Variants in PLEKHH2 observed in about 807,000 individuals in gnomAD.
The protein encoded by PLEKHH2 is pleckstrin homology domain-containing family H member 2.
A neutral mutation model predicts 187.9 loss-of-function variants in PLEKHH2; 129 were observed. That is an observed-to-expected ratio of 0.69 (90% CI 0.59 to 0.79). The LOEUF is 0.79. Among genes scored for constraint, PLEKHH2 ranks in the 30% least tolerant of loss-of-function variants. PLEKHH2 has a pLI of 0.00. For synonymous variants in PLEKHH2, 686 were observed against 605.6 expected, an observed-to-expected ratio of 1.13 and a Z score of -1.95; for missense variants, 2,076 against 1,751.2, an observed-to-expected ratio of 1.19 and a Z score of -3.31.
chr2:43,693,592 CG>C (rs1252425374), intron 4 of PLEKHH2, among the ~76,000 whole-genome samples: 1 of 151,818 alleles, frequency 6.6e-6, no homozygotes, highest in Non-Finnish European at 1.5e-5. Flanking sequence ...GGCGTGGTGG[CG>C]GGCTCCTGTA....
At chr2:43,744,051 A>G in intron 23 of PLEKHH2, 62 bp downstream of exon 23, 13 of 1,560,838 alleles carry the variant, frequency 8.3e-6, no homozygotes, top group Non-Finnish European at 1.1e-5. Context: ...ACTCTTTACA[A>G]GAAGAGTAAA....
rs1669530039 is a variant in PLEKHH2 at position 43,704,111 on chromosome 2, G to A, written c.1726+55G>A. On this transcript the variant is annotated intron_variant, in intron 9 of 29. Coordinates refer to ENST00000282406, the MANE Select transcript of PLEKHH2 (RefSeq NM_172069.4). ...TGAACCTTGAGGACTTTGTGCTAAG[G>A]GATAGTATAATACAAATACATGGTA... 3 of 1,231,872 alleles carry A rather than the reference G, an allele frequency of 2.4e-6. No homozygotes were observed. In the South Asian group the frequency reaches 3.7e-5, roughly 15 times the overall value. The allele number at this position is 1,231,872 out of a possible 1,614,324, so 76.3% of individuals were successfully genotyped here.
At chr2:43,641,084 C>T (rs896414332) in intron 1 of PLEKHH2, among the ~76,000 whole-genome samples, 3 of 151,802 alleles carry the variant, frequency 2.0e-5, no homozygotes, top group African/African-American at 4.8e-5. Flanking sequence ...TGAGCCACCA[C>T]GTCCAGGCCT....
chr2:43,671,204 C>G (rs1667483344), intron 2 of PLEKHH2, among the ~76,000 whole-genome samples: 1 of 152,060 alleles, frequency 6.6e-6, no homozygotes, highest in African/African-American at 2.4e-5. Flanking sequence ...CCAGGCTGGT[C>G]TAGAACTCCT....
chr2:43,677,024 A>C (rs1292325430), intron 2 of PLEKHH2, among the ~76,000 whole-genome samples: 1 of 152,162 alleles, frequency 6.6e-6, no homozygotes. Flanking sequence ...CAATCCACTG[A>C]AGAAAATTCT....
Position 43,696,004 on chromosome 2 carries a change from G to A in PLEKHH2, c.502+780G>A, listed in dbSNP as rs561265138. ...GCATGCAAATGTCATAACTCAGTTC[G>A]TTCATGGATCACCAGTGTTCTAATC... On this transcript the variant is annotated intron_variant, in intron 6 of 29. Transcript: ENST00000282406. Among the ~76,000 whole-genome samples, 9 of 152,220 alleles carry A rather than the reference G, an allele frequency of 5.9e-5. No individual in the cohort carries two copies. The East Asian group carries it at 9.6e-4, about 16-fold the overall frequency.
At chr2:43,678,583 G>T (rs13001672) in intron 2 of PLEKHH2, among the ~76,000 whole-genome samples, 3 of 150,204 alleles carry the variant, frequency 2.0e-5, no homozygotes, top group East Asian at 3.9e-4. Context: ...GGCGGCGCGC[G>T]CCTGCAATCG....
Position 43,700,576 on chromosome 2 carries a change from C to T in PLEKHH2, c.1618C>T (p.Pro540Ser). ...AAAGAAGGTGGCATACAGCAAACCT[C>T]CAACTCCTCCCCTGCACCGTTTTCC... ...SAKKVAYSKP[P>S]TPPLHRFPSW... The change falls in exon 8 of 30, where the codon CCA (proline) becomes TCA (serine). Residue 540 changes from proline (P) to serine (S), a missense_variant. By Grantham distance (74) the Pro-to-Ser change is moderately conservative. Coordinates refer to ENST00000282406, the MANE Select transcript of PLEKHH2 (RefSeq NM_172069.4). 1.2e-6 allele frequency: 2 copies of T among 1,611,920 alleles called. No individual in the cohort carries two copies. Among genetic ancestry groups the T allele is most frequent in the Non-Finnish European group, 8.5e-7 (1 of 1,179,774 alleles).
chr2:43,682,710 A>G (rs1403325677), intron 3 of PLEKHH2, among the ~76,000 whole-genome samples: 1 of 152,166 alleles, frequency 6.6e-6, no homozygotes, highest in Admixed American at 6.5e-5. Context: ...AACCTTATTC[A>G]TTAAGCATTT....
At chr2:43,670,615 A>C (rs1667450490) in intron 2 of PLEKHH2, among the ~76,000 whole-genome samples, 1 of 130,588 alleles carries the variant, frequency 7.7e-6, no homozygotes. Context: ...GGTATTGTGA[A>C]TATTCTAATT....
At chr2:43,728,383 G>T (rs1469454407) in intron 17 of PLEKHH2, among the ~76,000 whole-genome samples, 1 of 149,590 alleles carries the variant, frequency 6.7e-6, no homozygotes, top group Non-Finnish European at 1.5e-5. Context: ...GGAGGCTGAG[G>T]CAGGAGAATC....
chr2:43,653,292 G>C (rs891424861), intron 2 of PLEKHH2, among the ~76,000 whole-genome samples: 1 of 152,126 alleles, frequency 6.6e-6, no homozygotes, highest in African/African-American at 2.4e-5. Context: ...CAAGCTTTCA[G>C]AGGAAAAAAC....
At chr2:43,725,085 C>A (rs897988242) in intron 16 of PLEKHH2, among the ~76,000 whole-genome samples, 1 of 152,084 alleles carries the variant, frequency 6.6e-6, no homozygotes, top group African/African-American at 2.4e-5. Flanking sequence ...AATGGGCTAG[C>A]GAGGAGGGAG....
At chr2:43,742,221 T>C (rs1419957353) in intron 21 of PLEKHH2, among the ~76,000 whole-genome samples, 1 of 152,090 alleles carries the variant, frequency 6.6e-6, no homozygotes, top group Non-Finnish European at 1.5e-5. Flanking sequence ...AGGTTGGTCT[T>C]GAACTCTCGA....
intron 2 of PLEKHH2, among the ~76,000 whole-genome samples, chr2:43,672,721 C>T (rs993457152): frequency 1.3e-5 from 2 of 152,202 alleles, no homozygotes; most frequent in African/African-American, 4.8e-5. Flanking sequence ...CTATTGCCTA[C>T]TATTTCTAAT....
intron 4 of PLEKHH2, among the ~76,000 whole-genome samples, chr2:43,693,405 C>G (rs1668918877): frequency 6.6e-6 from 1 of 152,108 alleles, no homozygotes; most frequent in Non-Finnish European, 1.5e-5. Context: ...AATGTGTACA[C>G]CATTTTTGAA....
Position 43,697,218 on chromosome 2 carries a change from GAAGGC to G in PLEKHH2, c.551_555del (p.Glu184AlafsTer25). 1 of 1,612,674 alleles carries G rather than the reference GAAGGC, an allele frequency of 6.2e-7. No individual in the cohort carries two copies. The highest frequency in any genetic ancestry group is 8.5e-7 in the Non-Finnish European group (1 of 1,179,374). On this transcript the variant is annotated frameshift_variant, in exon 7 of 30. Coordinates refer to ENST00000282406, the MANE Select transcript of PLEKHH2 (RefSeq NM_172069.4). LOFTEE classifies it high-confidence loss of function. ...CACTGTCTCTACACTAAAGCTTTCG[GAAGGC>G]CAGCGCCTGAGCAGTTTGACCTTTG...
At chr2:43,732,786 C>T (rs1353523144) in intron 19 of PLEKHH2, among the ~76,000 whole-genome samples, 1 of 152,072 alleles carries the variant, frequency 6.6e-6, no homozygotes, top group East Asian at 1.9e-4. Context: ...CCTTGGGACC[C>T]ATAATTCCAT....
chr2:43,728,377 G>A (rs1429235518), intron 17 of PLEKHH2, among the ~76,000 whole-genome samples: 1 of 150,254 alleles, frequency 6.7e-6, no homozygotes, highest in Non-Finnish European at 1.5e-5. Context: ...TACTTGGGAG[G>A]CTGAGGCAGG....
Sources: allele counts gnomAD v4.1 joint callset (sites outside exome capture counted in the v4.1 genomes callset), GRCh38; gene constraint gnomAD v4.1.1; transcripts MANE v1.5; gene names NCBI Gene and HGNC (gene_info 2026-07-23, HGNC 2026-07-21).